The following CAPG variants were observed in gnomAD, a reference collection of about 807,000 sequenced individuals.
CAPG encodes capping actin protein, gelsolin like, also known as macrophage-capping protein.
Under a neutral mutation model 44.6 loss-of-function variants are expected in CAPG, and 32 were observed. That is an observed-to-expected ratio of 0.72 (90% CI 0.54 to 0.96). CAPG has a LOEUF of 0.96. Ranked by LOEUF, CAPG falls within the 50% of genes least tolerant of loss-of-function variation. The pLI is 0.00. For missense variants in CAPG, 412 were observed against 438.3 expected, an observed-to-expected ratio of 0.94 and a Z score of 0.54; for synonymous variants, 175 against 179.6, an observed-to-expected ratio of 0.97 and a Z score of 0.20.
At position 85,401,209 on chromosome 2, in the gene CAPG, C is replaced by T; in HGVS notation, c.472G>A (p.Asp158Asn). 1 of 1,614,202 alleles carries T rather than the reference C, an allele frequency of 6.2e-7. No homozygotes were observed. Among genetic ancestry groups the T allele is most frequent in the Non-Finnish European group, 8.5e-7 (1 of 1,180,042 alleles). The change falls in exon 5 of 10, where the codon GAC (aspartate) becomes AAC (asparagine). Residue 158 changes from aspartate to asparagine, a missense_variant. Coordinates refer to ENST00000263867, the MANE Select transcript of CAPG (RefSeq NM_001747.4). ...AAGCAGTCCCCAGTGTTGAAGCTGT[C>T]CCAGTTCAGTGCCCGCTCGGTGGCA... is the stretch of plus-strand genomic sequence containing the variant. ...IRATERALNW[D>N]SFNTGDCFIL...
At chr2:85,413,176 C>T (rs1239031476), upstream of CAPG, 1 of 152,212 alleles carries the variant, frequency 6.6e-6, no homozygotes, top group Non-Finnish European at 1.5e-5. Context: ...ACTCTGTGAC[C>T]CACGGAGGGA....
chr2:85,394,223 G>C (rs994712187), downstream of CAPG, among the ~76,000 whole-genome samples: 1 of 152,248 alleles, frequency 6.6e-6, no homozygotes, highest in African/African-American at 2.4e-5. Flanking sequence ...AAAGTAACTT[G>C]CCTAGGATCA....
downstream of CAPG, among the ~76,000 whole-genome samples, chr2:85,393,717 A>C (rs1686469328): frequency 6.6e-6 from 1 of 152,172 alleles, no homozygotes; most frequent in Admixed American, 6.5e-5. Flanking sequence ...GGCATGCGCA[A>C]CCATGCCCGG....
At chr2:85,408,858 A>G (rs550019073) in intron 1 of CAPG, 32 of 152,570 alleles carry the variant, frequency 2.1e-4, no homozygotes, top group African/African-American at 3.6e-4. Context: ...AGAAAGCGCT[A>G]AAGTTCTTAT....
Position 85,399,236 on chromosome 2 carries a change from TTG to T in CAPG, c.564_565del (p.Asn188LysfsTer13). 1 of 1,614,220 alleles carries T rather than the reference TTG, an allele frequency of 6.2e-7. No homozygotes were observed. The highest frequency in any genetic ancestry group is 1.1e-5 in the South Asian group (1 of 91,080). Reference sequence around the variant, plus strand: ...GATGGCCAGGGCCAGGTCCCTCGCCTTGTTGCGTTCCAGGATGTTGGACTTTC... The same window carrying T: ...GATGGCCAGGGCCAGGTCCCTCGCCTTTGCGTTCCAGGATGTTGGACTTTC... On this transcript the variant is annotated frameshift_variant, in exon 6 of 10. Transcript: ENST00000263867. LOFTEE classifies it high-confidence loss of function.
chr2:85,416,750 G>A (rs1687561168), intron 1 of CAPG, among the ~76,000 whole-genome samples: 1 of 152,154 alleles, frequency 6.6e-6, no homozygotes, highest in African/African-American at 2.4e-5. Context: ...CTGACCTCAG[G>A]TGATCTGCCT....
chr2:85,393,248 C>G (rs898673486), downstream of CAPG, among the ~76,000 whole-genome samples: 1 of 152,086 alleles, frequency 6.6e-6, no homozygotes, highest in Non-Finnish European at 1.5e-5. Flanking sequence ...GGTCCCCAGG[C>G]TGGTCTCAAA....
intron 1 of CAPG, among the ~76,000 whole-genome samples, chr2:85,406,291 T>G (rs1165149835): frequency 6.6e-6 from 1 of 151,948 alleles, no homozygotes; most frequent in Non-Finnish European, 1.5e-5. Flanking sequence ...GGCTGCTCAT[T>G]AGAATGACCT....
At chr2:85,417,525 C>T (rs942194137) in intron 1 of CAPG, among the ~76,000 whole-genome samples, 1 of 148,706 alleles carries the variant, frequency 6.7e-6, no homozygotes, top group Admixed American at 6.7e-5. Context: ...CTCTGTTGCC[C>T]AGGCTGGAGT....
chr2:85,395,927 C>T lies in CAPG; in HGVS notation c.893-301G>A, dbSNP rs1028062330. ...TTCAGGGAGGGGAACAGGTGTTCAC[C>T]CTAGCATCAGACTGTGAGGCCGCAG... On this transcript the variant is annotated intron_variant, in intron 8 of 9. Coordinates refer to ENST00000263867, the MANE Select transcript of CAPG (RefSeq NM_001747.4). This position sits in a 1 kb window ranked among gnomAD's most constrained non-coding sequence, Gnocchi z 4.3. 5.6e-6 allele frequency: 2 copies of T among 356,240 alleles called. No individual in the cohort carries two copies. Among genetic ancestry groups the T allele is most frequent in the East Asian group, 5.4e-5 (1 of 18,508 alleles). 22.1% of individuals were successfully genotyped at this position (356,240 alleles called of 1,614,324 possible).
intron 5 of CAPG, among the ~76,000 whole-genome samples, chr2:85,400,283 C>T (rs1686818113): frequency 6.6e-6 from 1 of 152,212 alleles, no homozygotes. Flanking sequence ...CAGCATCTCA[C>T]ACTTCTACCC....
chr2:85,401,840 G>T lies in CAPG; in HGVS notation c.141C>A (p.Ser47=), dbSNP rs770680588. ...CTGGGCCATTGTGCAGCACTAGGTA[G>T]GAGTCCCCCGAGAAGAAGACGCCCT... ...ENQGVFFSGD[S]YLVLHNGPEE... The change falls in exon 3 of 10, where the codon TCC becomes TCA. Residue 47 remains serine, a synonymous_variant. Coordinates refer to ENST00000263867, the MANE Select transcript of CAPG (RefSeq NM_001747.4). 2 of 1,614,138 alleles carry T rather than the reference G, an allele frequency of 1.2e-6. No individual in the cohort carries two copies. Among genetic ancestry groups the T allele is most frequent in the East Asian group, 4.5e-5 (2 of 44,872 alleles).
intron 8 of CAPG, among the ~76,000 whole-genome samples, chr2:85,396,391 G>A (rs527241758): frequency 4.6e-5 from 7 of 151,802 alleles, no homozygotes; most frequent in Admixed American, 2.0e-4. Context: ...GTGATATTTC[G>A]CCATGTTGCC....
At chr2:85,392,748 CAACAG>C (rs1686431130), downstream of CAPG, among the ~76,000 whole-genome samples, 1 of 152,186 alleles carries the variant, frequency 6.6e-6, no homozygotes, top group Non-Finnish European at 1.5e-5. Flanking sequence ...CTCAGCTAAC[CAACAG>C]AGATAGCAGG....
intron 8 of CAPG, 42 bp downstream of exon 8, chr2:85,397,978 G>T (rs1686684838): frequency 1.9e-6 from 3 of 1,598,564 alleles, no homozygotes; most frequent in Non-Finnish European, 2.6e-6. Flanking sequence ...CCGGGTCAGA[G>T]CAGCTACAGG....
At position 85,394,860 on chromosome 2, in the gene CAPG, G is replaced by A. The variant is rs779751025; in HGVS notation, c.*33C>T. 2.6e-6 allele frequency: 4 copies of A among 1,532,262 alleles called. No individual in the cohort carries two copies. The highest frequency in any genetic ancestry group is 1.7e-5 in the Admixed American group (1 of 59,920). 94.9% of individuals were successfully genotyped at this position (1,532,262 alleles called of 1,614,324 possible). ...GAAGCAAGCAGGCAGGTGGTGGGGG[G>A]CAGGGGAGCATGGGGCAGGAAGACG... is the stretch of plus-strand genomic sequence containing the variant. On this transcript the variant is annotated 3_prime_UTR_variant, in exon 10 of 10. Coordinates refer to ENST00000263867, the MANE Select transcript of CAPG (RefSeq NM_001747.4).
At chr2:85,402,795 GA>G (rs1346298462) in intron 1 of CAPG, among the ~76,000 whole-genome samples, 4 of 144,514 alleles carry the variant, frequency 2.8e-5, no homozygotes, top group African/African-American at 5.2e-5. Context: ...TTTGGAGACA[GA>G]GTCTCACTCT....
Position 85,395,603 on chromosome 2 carries a change from G to A in CAPG, c.916C>T (p.Arg306Trp), listed in dbSNP as rs370308468. 20 of 1,613,634 alleles carry A rather than the reference G, an allele frequency of 1.2e-5. No homozygotes were observed. The highest frequency in any genetic ancestry group is 1.1e-4 in the East Asian group (5 of 44,894). The part of the protein sequence containing the change: ...WKGRKANEKE[R>W]QAALQVAEGF... ...TCGGCCACCTGCAGGGCTGCCTGCC[G>A]CTCCTTCTCATTCGCTTTTCGCCCT... Residue 306 changes from arginine (R) to tryptophan (W), a missense_variant, in exon 9 of 10, where the codon CGG (arginine) becomes TGG (tryptophan). Transcript: ENST00000263867. This position sits in a 1 kb window ranked among gnomAD's most constrained non-coding sequence, Gnocchi z 4.3.
At position 85,394,885 on chromosome 2, in the gene CAPG, G is replaced by A. The variant is rs370042827; in HGVS notation, c.*8C>T. Reference sequence around the variant, plus strand: ...GCAGGGGAGCATGGGGCAGGAAGACGCCCACCCTCATTTCCAGTCCTTGAA... The same window carrying A: ...GCAGGGGAGCATGGGGCAGGAAGACACCCACCCTCATTTCCAGTCCTTGAA... On this transcript the variant is annotated 3_prime_UTR_variant, in exon 10 of 10. Transcript: ENST00000263867. 84 of 1,607,768 alleles carry A rather than the reference G, an allele frequency of 5.2e-5. No homozygotes were observed. In the African/African-American group the frequency reaches 5.9e-4, roughly 11 times the overall value.
Sources: gnomAD v4.1 joint callset for allele counts (sites outside exome capture counted in the v4.1 genomes callset) on GRCh38, gnomAD v4.1.1 for gene constraint, Gnocchi (gnomAD v3.1) non-coding constraint, MANE v1.5 for transcripts, NCBI Gene and HGNC (gene_info 2026-07-23, HGNC 2026-07-21) for gene names.